CADPS2: variants seen among roughly 807,000 people sequenced by gnomAD.
CADPS2 encodes the protein calcium dependent secretion activator 2.
CADPS2 carries 93 observed loss-of-function variants against 172.5 expected under a neutral mutation model. The ratio of observed to expected loss-of-function variants is 0.54; its 90% CI spans 0.46 to 0.64. CADPS2 has a LOEUF of 0.64. CADPS2 is among the 30% of genes least tolerant of loss of function. CADPS2 has a pLI of 0.00. For missense variants in CADPS2, 1,420 were observed against 1,565.9 expected (o/e 0.91, Z 1.57); for synonymous variants, 546 against 555.2 (o/e 0.98, Z 0.23).
intron 27 of CADPS2, among the ~76,000 whole-genome samples, chr7:122,355,613 G>A (rs764844821): frequency 1.5e-4 from 23 of 151,816 alleles, no homozygotes; most frequent in East Asian, 7.8e-4. Context: ...GACAAGTGAC[G>A]GTATTATAAG....
At chr7:122,592,676 T>G (rs1386076756) in intron 6 of CADPS2, among the ~76,000 whole-genome samples, 6 of 152,132 alleles carry the variant, frequency 3.9e-5, no homozygotes, top group Non-Finnish European at 8.8e-5. Flanking sequence ...GATGAGTTCA[T>G]GTCCTTTATG....
At chr7:122,447,938 T>A (rs1028179039) in intron 15 of CADPS2, among the ~76,000 whole-genome samples, 3 of 152,116 alleles carry the variant, frequency 2.0e-5, no homozygotes, top group African/African-American at 7.2e-5. Flanking sequence ...AAGGAACATT[T>A]TTTTTAGTGC....
intron 6 of CADPS2, among the ~76,000 whole-genome samples, chr7:122,593,732 AAGAG>A (rs2071283154): frequency 1.3e-5 from 2 of 152,078 alleles, no homozygotes; most frequent in East Asian, 1.9e-4. Flanking sequence ...TATGAAAAAA[AAGAG>A]AGAGAGCAAT....
At chr7:122,670,721 G>A (rs1279772184) in intron 2 of CADPS2, among the ~76,000 whole-genome samples, 3 of 151,514 alleles carry the variant, frequency 2.0e-5, no homozygotes, top group East Asian at 2.0e-4. Context: ...GGCTGGTCTC[G>A]AACTCCTGAC....
chr7:122,759,569 A>C (rs770008271), intron 1 of CADPS2, among the ~76,000 whole-genome samples: 3 of 152,132 alleles, frequency 2.0e-5, no homozygotes, highest in African/African-American at 4.8e-5. Context: ...TTCAGAAAAA[A>C]AGGCTTTTGA....
chr7:122,732,811 C>T (rs57887153), intron 2 of CADPS2, among the ~76,000 whole-genome samples: 1,615 of 139,232 alleles, frequency 0.012, 25 homozygotes, highest in African/African-American at 0.041. Flanking sequence ...ATATTATATA[C>T]ATAATGTATA....
At chr7:122,480,985 T>C in intron 11 of CADPS2, 125 bp from the exon 12 acceptor site, 3 of 836,058 alleles carry the variant, frequency 3.6e-6, no homozygotes, top group Non-Finnish European at 5.1e-6. Flanking sequence ...AAAGTTGTTT[T>C]TCTAAAAGAC....
In CADPS2 at chr7:122,386,969, A is replaced by G. The variant is rs183942971; in HGVS notation, c.3312+57T>C. On this transcript the variant is annotated intron_variant, in intron 24 of 29. Transcript: ENST00000449022. ...CAAGAGAATGCCTTGTGGAAAGGGC[A>G]TTTCCCATGCCAAGGCACCCTGTGC... 671 of 1,524,648 alleles carry G rather than the reference A, an allele frequency of 4.4e-4. 3 individuals carry two copies. In the African/African-American group the frequency reaches 8.3e-3, roughly 19 times the overall value. 94.4% of individuals were successfully genotyped at this position (1,524,648 alleles called of 1,614,324 possible). A position where few individuals can be genotyped will look rare whatever the true frequency, so the allele number is the denominator to read the frequency against.
intron 25 of CADPS2, among the ~76,000 whole-genome samples, chr7:122,374,655 T>G (rs1243317812): frequency 6.6e-6 from 1 of 152,068 alleles, no homozygotes; most frequent in Non-Finnish European, 1.5e-5. Flanking sequence ...ATGTTCTCAC[T>G]TGTAAATGGG....
chr7:122,544,468 A>T (rs2063421227), intron 8 of CADPS2, among the ~76,000 whole-genome samples: 1 of 152,172 alleles, frequency 6.6e-6, no homozygotes, highest in Non-Finnish European at 1.5e-5. Flanking sequence ...ATGAGCCTAT[A>T]GTTTATTAAG....
At chr7:122,340,246 G>C (rs1181586034) in intron 28 of CADPS2, among the ~76,000 whole-genome samples, 1 of 151,990 alleles carries the variant, frequency 6.6e-6, no homozygotes, top group East Asian at 1.9e-4. Context: ...AAAATCTTGT[G>C]GAGATGAAAC....
chr7:122,617,441 T>A (rs1021720219), intron 5 of CADPS2, among the ~76,000 whole-genome samples: 1 of 152,196 alleles, frequency 6.6e-6, no homozygotes, highest in African/African-American at 2.4e-5. Context: ...AACTTGCTAA[T>A]GGACCTACAG....
intron 2 of CADPS2, among the ~76,000 whole-genome samples, chr7:122,714,853 T>C (rs1056964190): frequency 1.3e-5 from 2 of 152,186 alleles, no homozygotes; most frequent in African/African-American, 2.4e-5. Flanking sequence ...CTCTGTCTTA[T>C]CTCATTTAAA....
intron 1 of CADPS2, among the ~76,000 whole-genome samples, chr7:122,835,376 C>T (rs1808046148): frequency 6.6e-6 from 1 of 152,186 alleles, no homozygotes; most frequent in East Asian, 1.9e-4. Flanking sequence ...AATCAGAGCA[C>T]CTCTCCCCCT....
At chr7:122,829,939 A>T (rs1563122142) in intron 1 of CADPS2, among the ~76,000 whole-genome samples, 1 of 152,194 alleles carries the variant, frequency 6.6e-6, no homozygotes, top group Non-Finnish European at 1.5e-5. Context: ...TAAGAAGAGC[A>T]AGAGAGATGA....
intron 2 of CADPS2, 111 bp from the exon 3 acceptor site, chr7:122,663,680 A>T (rs2080862476): frequency 1.3e-6 from 1 of 747,394 alleles, no homozygotes; most frequent in Admixed American, 2.8e-5. Flanking sequence ...TATTTCAGCC[A>T]AATACTCCAC....
intron 25 of CADPS2, among the ~76,000 whole-genome samples, chr7:122,369,192 C>T (rs1250604579): frequency 5.7e-5 from 7 of 122,356 alleles, no homozygotes; most frequent in Admixed American, 5.2e-4. Flanking sequence ...AGTGCAGTGG[C>T]GCAATCTCGG....
At position 122,362,038 on chromosome 7, in the gene CADPS2, G is replaced by A. The variant is rs1038646801; in HGVS notation, c.3388-1025C>T. Among the ~76,000 whole-genome samples the A allele has an allele frequency of 2.0e-5, 3 of 152,024 alleles. 1 individual carries two copies. Among genetic ancestry groups the A allele is most frequent in the Non-Finnish European group, 4.4e-5 (3 of 68,012 alleles). On this transcript the variant is annotated intron_variant, in intron 25 of 29. Transcript: ENST00000449022. ...GCTGAGATCATGCCATTGCTCTCCA[G>A]CCTGGGTGACAAGAGCAAAACTCTG...
chr7:122,586,062 T>C (rs983665656), intron 6 of CADPS2, among the ~76,000 whole-genome samples: 11 of 151,986 alleles, frequency 7.2e-5, no homozygotes, highest in African/African-American at 2.7e-4. Context: ...ATGTAAATTA[T>C]GGGGCATGTG....
Sources: allele counts gnomAD v4.1 joint callset (sites outside exome capture counted in the v4.1 genomes callset), GRCh38; gene constraint gnomAD v4.1.1; transcripts MANE v1.5; gene names NCBI Gene and HGNC (gene_info 2026-07-23, HGNC 2026-07-21).